Variants in LOXL2 observed in about 807,000 individuals in gnomAD.
LOXL2 encodes lysyl oxidase homolog 2.
LOXL2 carries 70 observed loss-of-function variants against 93.0 expected under a neutral mutation model. The ratio of observed to expected loss-of-function variants is 0.75; its 90% CI spans 0.62 to 0.92. LOXL2 has a LOEUF of 0.92. Among genes scored for constraint, LOXL2 ranks in the 40% least tolerant of loss-of-function variants. The pLI, the probability that LOXL2 is intolerant of heterozygous loss-of-function variation, is 0.00. For missense variants in LOXL2, 973 were observed against 1,054.9 expected (o/e 0.92, Z 1.08); for synonymous variants, 438 against 413.2 (o/e 1.06, Z -0.73).
At chr8:23,403,216 G>A (rs1053482378) in intron 1 of LOXL2, among the ~76,000 whole-genome samples, 2 of 152,190 alleles carry the variant, frequency 1.3e-5, no homozygotes, top group African/African-American at 4.8e-5. Context: ...GGGATCAGCT[G>A]TAGCCGTGGG....
intron 1 of LOXL2, among the ~76,000 whole-genome samples, chr8:23,401,446 T>G (rs1800150502): frequency 6.6e-6 from 1 of 152,198 alleles, no homozygotes; most frequent in African/African-American, 2.4e-5. Flanking sequence ...TGTAAAATCT[T>G]TAGAAATCAC....
intron 9 of LOXL2, among the ~76,000 whole-genome samples, chr8:23,315,508 T>C (rs1803380466): frequency 6.6e-6 from 1 of 152,094 alleles, no homozygotes; most frequent in Non-Finnish European, 1.5e-5. Flanking sequence ...TTTTTGGATC[T>C]CCCATGAGGA....
chr8:23,317,239 G>A, intron 8 of LOXL2, 125 bp from the exon 9 acceptor site: 1 of 996,544 alleles, frequency 1.0e-6, no homozygotes, highest in Non-Finnish European at 1.6e-6. Flanking sequence ...GATCGAAACA[G>A]CACGGAGGGT....
chr8:23,297,929 TG>T lies in LOXL2; in HGVS notation c.*113del. ...CACAGCTGTAGGGGTCTGGACAGGG[TG>T]GGGGCCGGGCTGGGTGAGGGCACGT... On this transcript the variant is annotated 3_prime_UTR_variant, in exon 14 of 14. Transcript: ENST00000389131. 1 of 798,916 alleles carries T rather than the reference TG, an allele frequency of 1.3e-6. No individual in the cohort carries two copies. 49.5% of individuals were successfully genotyped at this position (798,916 alleles called of 1,614,324 possible).
chr8:23,354,475 T>C (rs1029686531), intron 3 of LOXL2, among the ~76,000 whole-genome samples: 1 of 152,106 alleles, frequency 6.6e-6, no homozygotes, highest in African/African-American at 2.4e-5. Flanking sequence ...CACACTTTGA[T>C]ATGAAGAGTG....
In LOXL2 at chr8:23,297,001, C is replaced by G. The variant is rs1803038738; in HGVS notation, c.*1042G>C. Among the ~76,000 whole-genome samples the G allele has an allele frequency of 1.3e-5, 2 of 152,096 alleles. No homozygotes were observed. On this transcript the variant is annotated 3_prime_UTR_variant, in exon 14 of 14. Transcript: ENST00000389131. ...CTTCTCCCAGATGGTAGGAGCTGCC[C>G]CTTTTGGAGTCTATTGAAGGAGGTG...
intron 1 of LOXL2, among the ~76,000 whole-genome samples, chr8:23,376,164 G>A (rs1804586344): frequency 1.3e-5 from 2 of 152,142 alleles, no homozygotes; most frequent in Non-Finnish European, 2.9e-5. Flanking sequence ...GTTGAATTTT[G>A]TCAAAGGCCT....
At chr8:23,364,069 T>G (rs779695842) in intron 2 of LOXL2, 1 of 152,250 alleles carries the variant, frequency 6.6e-6, no homozygotes, top group Non-Finnish European at 1.5e-5. Context: ...AGAGATAGGA[T>G]TTCACCATGT....
At chr8:23,351,746 C>A (rs1804096723) in intron 3 of LOXL2, among the ~76,000 whole-genome samples, 1 of 152,194 alleles carries the variant, frequency 6.6e-6, no homozygotes. Flanking sequence ...CACCTTAGAA[C>A]TACTTGCTTT....
At chr8:23,383,699 C>T (rs1478773802) in intron 1 of LOXL2, among the ~76,000 whole-genome samples, 5 of 125,430 alleles carry the variant, frequency 4.0e-5, no homozygotes, top group Non-Finnish European at 4.7e-5. Context: ...CTTGCTCTGT[C>T]GTCCAGGCTG....
At chr8:23,300,093 A>G (rs1175469608) in intron 12 of LOXL2, among the ~76,000 whole-genome samples, 1 of 152,164 alleles carries the variant, frequency 6.6e-6, no homozygotes, top group Non-Finnish European at 1.5e-5. Flanking sequence ...ACAGCTCCAC[A>G]TGCCAAGGCC....
chr8:23,320,667 C>T (rs908918772), intron 7 of LOXL2, among the ~76,000 whole-genome samples: 4 of 152,118 alleles, frequency 2.6e-5, no homozygotes, highest in South Asian at 2.1e-4. Context: ...CAGCACTTTG[C>T]GGGGCCAAGG....
intron 3 of LOXL2, among the ~76,000 whole-genome samples, chr8:23,352,598 T>C (rs4872108): frequency 0.3 from 45,882 of 151,970 alleles, 8,928 homozygotes; most frequent in African/African-American, 0.55. Context: ...AGGGCAATGC[T>C]GAAACATTTG....
intron 2 of LOXL2, among the ~76,000 whole-genome samples, chr8:23,366,384 C>G (rs1282092864): frequency 6.6e-6 from 1 of 152,218 alleles, no homozygotes; most frequent in Admixed American, 6.5e-5. Flanking sequence ...CCAGTTACCC[C>G]AAAAGGAAAT....
At chr8:23,391,223 A>C (rs1473199206) in intron 1 of LOXL2, among the ~76,000 whole-genome samples, 1 of 152,150 alleles carries the variant, frequency 6.6e-6, no homozygotes, top group Non-Finnish European at 1.5e-5. Flanking sequence ...ATATTACCCG[A>C]TCCCTACAAC....
chr8:23,313,061 GA>G lies in LOXL2; in HGVS notation c.1637-3151del, dbSNP rs1803342073. Among the ~76,000 whole-genome samples the G allele has an allele frequency of 3.3e-5, 5 of 151,566 alleles. No homozygotes were observed. In the South Asian group the frequency reaches 1.0e-3, roughly 32 times the overall value. On this transcript the variant is annotated intron_variant, in intron 9 of 13. Transcript: ENST00000389131. ...AACTCCCATTCACAATTGCTTCAAA[GA>G]GAATAAAATACCTAGGAATCCAACT...
intron 3 of LOXL2, among the ~76,000 whole-genome samples, chr8:23,355,559 T>C (rs76977768): frequency 0.048 from 6,919 of 144,356 alleles, 187 homozygotes; most frequent in Admixed American, 0.07. Context: ...TATCATACTC[T>C]TGGCTGATAC....
intron 11 of LOXL2, among the ~76,000 whole-genome samples, chr8:23,302,854 G>T (rs763765470): frequency 1.3e-5 from 2 of 152,136 alleles, no homozygotes; most frequent in Non-Finnish European, 2.9e-5. Flanking sequence ...CGGGACGGGG[G>T]GGCGCTTCAG....
intron 5 of LOXL2, 30 bp from the exon 6 acceptor site, chr8:23,328,595 A>G: frequency 1.9e-6 from 3 of 1,608,238 alleles, no homozygotes; most frequent in Non-Finnish European, 2.5e-6. Context: ...TGCTGAGTAC[A>G]GACGCTGATG....
Sources: gnomAD v4.1 joint callset for allele counts (sites outside exome capture counted in the v4.1 genomes callset) on GRCh38, gnomAD v4.1.1 for gene constraint, MANE v1.5 for transcripts, NCBI Gene and HGNC (gene_info 2026-07-23, HGNC 2026-07-21) for gene names.